Variants in LILRA6 observed in about 807,000 individuals in gnomAD.
LILRA6 encodes leukocyte immunoglobulin like receptor A6.
A neutral mutation model predicts 53.9 loss-of-function variants in LILRA6; 16 were observed. That is an observed-to-expected ratio of 0.30 (90% CI 0.20 to 0.45). LILRA6 has a LOEUF of 0.45. Ranked by LOEUF, LILRA6 falls within the 20% of genes least tolerant of loss-of-function variation. The pLI, the probability that LILRA6 is intolerant of heterozygous loss-of-function variation, is 1.00. For synonymous variants in LILRA6, 135 were observed against 256.4 expected (o/e 0.53, Z 4.52); for missense variants, 306 against 618.6 (o/e 0.49, Z 5.36).
At chr19:54,242,645 T>C in intron 1 of LILRA6, 73 bp downstream of exon 1, 1 of 1,094,788 alleles carries the variant, frequency 9.1e-7, no homozygotes, top group Non-Finnish European at 1.2e-6. Context: ...GGTCTCCTGA[T>C]GGACCAGGGC....
chr19:54,239,253 T>C, intron 7 of LILRA6, 164 bp from the exon 8 acceptor site: 1 of 1,522,918 alleles, frequency 6.6e-7, no homozygotes, highest in Middle Eastern at 2.0e-4. Flanking sequence ...GGTGAGGGTC[T>C]CAGCTCCTCC....
At chr19:54,239,744 A>G (rs1343966753) in intron 7 of LILRA6, 157 bp downstream of exon 7, 7 of 1,550,184 alleles carry the variant, frequency 4.5e-6, no homozygotes, top group Admixed American at 2.0e-5. Context: ...CTGGGCCCCA[A>G]CATCTCTCTC....
At chr19:54,240,722 C>A in intron 5 of LILRA6, 109 bp downstream of exon 5, 1 of 1,584,620 alleles carries the variant, frequency 6.3e-7, no homozygotes, top group Non-Finnish European at 8.6e-7. Context: ...CTGTCTGTCT[C>A]TCCCTCCCTT....
rs755376928 is a variant in LILRA6, at chr19:54,240,441, G to T, written c.1091C>A (p.Pro364His). Residue 364 changes from proline (P) to histidine (H), a missense_variant, in exon 6 of 8, where the codon CCC becomes CAC. Physicochemically the swap from Pro to His is moderately conservative, Grantham distance 77 (BLOSUM62 -2). This residue lies in a region of LILRA6 where 106 missense variants were observed against 196.8 expected (regional missense o/e 0.54). Coordinates refer to ENST00000396365, the Ensembl canonical transcript of LILRA6. The stretch of plus-strand genomic sequence containing the variant: ...GTACATTGATCTCAGACGCAGTGGG[G>T]GATGGGCTGCCCCTTCTTTGGTCAG... 4 of 1,603,650 alleles carry T rather than the reference G, an allele frequency of 2.5e-6. No individual in the cohort carries two copies. In the African/African-American group the frequency reaches 5.4e-5, roughly 22 times the overall value.
chr19:54,239,172 C>T lies in LILRA6; in HGVS notation c.1310-83G>A, dbSNP rs955798871. 1.4e-5 allele frequency: 22 copies of T among 1,592,304 alleles called. 1 individual carries two copies. In the African/African-American group the frequency reaches 2.6e-4, roughly 19 times the overall value. On this transcript the variant is annotated intron_variant, in intron 7 of 7. Transcript: ENST00000396365. The stretch of plus-strand genomic sequence containing the variant: ...CCCCTGGATGCCCAACCCAGGGCAC[C>T]CCCCATCCGCCATTGACAGAACCTG...
At chr19:54,239,758 CT>C (rs1478696250) in intron 7 of LILRA6, 142 bp downstream of exon 7, 3 of 1,550,286 alleles carry the variant, frequency 1.9e-6, no homozygotes, top group Non-Finnish European at 2.6e-6. Context: ...CTCTCTCTGC[CT>C]TGAACCCCCC....
rs1202563944 is a variant in LILRA6 at position 54,241,431 on chromosome 19, G to T, written c.658+145C>A. 35 of 1,109,872 alleles carry T rather than the reference G, an allele frequency of 3.2e-5. 3 individuals carry two copies. The East Asian group carries it at 8.3e-4, about 26-fold the overall frequency. 68.8% of individuals were successfully genotyped at this position (1,109,872 alleles called of 1,614,324 possible). A position where few individuals can be genotyped will look rare whatever the true frequency, so the allele number is the denominator to read the frequency against. Reference sequence around the variant, plus strand: ...TGAGGGCTCCTCCTCCCATGTCAGAGCCTCCCCATGGGGTCTCCCTCATGC... The same window carrying T: ...TGAGGGCTCCTCCTCCCATGTCAGATCCTCCCCATGGGGTCTCCCTCATGC... On this transcript the variant is annotated intron_variant, in intron 4 of 7. Transcript: ENST00000396365.
Position 54,242,092 on chromosome 19 carries a change from G to A in LILRA6, c.289C>T (p.Arg97Cys), listed in dbSNP as rs780976043. The A allele has an allele frequency of 1.3e-5, 18 of 1,398,264 alleles. 5 individuals are homozygous for A. The highest frequency in any genetic ancestry group is 5.3e-5 in the African/African-American group (3 of 56,934). 86.6% of individuals were successfully genotyped at this position (1,398,264 alleles called of 1,614,324 possible). A position where few individuals can be genotyped will look rare whatever the true frequency, so the allele number is the denominator to read the frequency against. Residue 97 changes from arginine to cysteine, a missense_variant, in exon 3 of 8, where the codon CGC becomes TGC. Transcript: ENST00000396365. ...CCTGCAGAGCTGTAATAGTGGCAGC[G>A]GTATCTCCCCGCATGGTGCTCTGTT...
At chr19:54,238,786 G>A in exon 8 of LILRA6, 1 of 1,259,436 alleles carries the variant, frequency 7.9e-7, no homozygotes, top group South Asian at 1.6e-5. Flanking sequence ...TTGGAAGTAA[G>A]GTGGAGACCC....
At position 54,239,972 on chromosome 19, in the gene LILRA6, G is replaced by A. The variant is rs777540577; in HGVS notation, c.1259-21C>T. 226 of 1,545,080 alleles carry A rather than the reference G, an allele frequency of 1.5e-4. No individual in the cohort carries two copies. In the African/African-American group the frequency reaches 1.8e-3, roughly 12 times the overall value. Reference sequence around the variant, plus strand: ...GTGTCCTGGAAGGAGCACGGGAGGCGGGTGAGGGGCGGGGGCCGTCCATGG... The same window carrying A: ...GTGTCCTGGAAGGAGCACGGGAGGCAGGTGAGGGGCGGGGGCCGTCCATGG... On this transcript the variant is annotated intron_variant, in intron 6 of 7. Transcript: ENST00000396365.
chr19:54,238,259 G>A (rs1180425480), downstream of LILRA6: 2 of 150,646 alleles, frequency 1.3e-5, no homozygotes, highest in African/African-American at 5.0e-5. Context: ...AGCTGGACTC[G>A]AATTCCTGAA....
At chr19:54,239,632 TG>T (rs1391026750) in intron 7 of LILRA6, 8 of 1,374,974 alleles carry the variant, frequency 5.8e-6, no homozygotes, top group African/African-American at 3.0e-5. Flanking sequence ...GGCCTGACCC[TG>T]GGGGGTTGAG....
chr19:54,239,188 A>G (rs1243600086), intron 7 of LILRA6, 99 bp from the exon 8 acceptor site: 10 of 1,583,080 alleles, frequency 6.3e-6, no homozygotes, highest in Non-Finnish European at 8.6e-6. Context: ...TCCGCCATTG[A>G]CAGAACCTGA....
At position 54,240,266 on chromosome 19, in the gene LILRA6, G is replaced by A. The variant is rs113149211; in HGVS notation, c.1258+8C>T. The A allele has an allele frequency of 9.3e-3, 14,780 of 1,590,230 alleles. 156 individuals are homozygous for A. In the African/African-American group the frequency reaches 0.18, roughly 19 times the overall value. ...TGAGCTCAGAGAGGACGGGGTCAGCGCCCTCACCTGAGACCATGAGTTCCA... is the reference window on the plus strand; with the variant it reads ...TGAGCTCAGAGAGGACGGGGTCAGCACCCTCACCTGAGACCATGAGTTCCA... On this transcript the variant is annotated splice_region_variant and intron_variant, in intron 6 of 7. Transcript: ENST00000396365.
At chr19:54,239,174 C>T (rs188581176) in intron 7 of LILRA6, 85 bp from the exon 8 acceptor site, 31 of 1,592,640 alleles carry the variant, frequency 1.9e-5, no homozygotes, top group South Asian at 3.4e-5. Context: ...CAGGGCACCC[C>T]CCATCCGCCA....
At chr19:54,237,412 C>G (rs914570126), downstream of LILRA6, 2 of 150,802 alleles carry the variant, frequency 1.3e-5, no homozygotes, top group Non-Finnish European at 2.9e-5. Flanking sequence ...GTCCTGGGAA[C>G]CTTTATTGGA....
chr19:54,240,225 G>A (rs2078715357), intron 6 of LILRA6, 49 bp downstream of exon 6: 1 of 1,597,980 alleles, frequency 6.3e-7, no homozygotes, highest in Non-Finnish European at 8.5e-7. Flanking sequence ...GGGGGCCTGG[G>A]CCTGAGCTGA....
chr19:54,242,771 C>T lies in LILRA6; in HGVS notation c.-20G>A, dbSNP rs776676288. On this transcript the variant is annotated 5_prime_UTR_variant, in exon 1 of 8. Coordinates refer to ENST00000396365, the Ensembl canonical transcript of LILRA6. ...GGTCATGGCGTCTCCTCCTGGTGAC[C>T]CCGGGCTCTGCAGAGGGATGAGCCC... 32 of 1,055,826 alleles carry T rather than the reference C, an allele frequency of 3.0e-5. 7 individuals are homozygous for T. In the Admixed American group the frequency reaches 7.7e-4, roughly 25 times the overall value. The allele number at this position is 1,055,826 out of a possible 1,614,324, so 65.4% of individuals were successfully genotyped here.
At chr19:54,240,887 T>G (rs1304763329) in exon 5 of LILRA6, 5 of 1,614,082 alleles carry the variant, frequency 3.1e-6, no homozygotes, top group African/African-American at 1.3e-5. Flanking sequence ...GGAGAGGTTG[T>G]GTGCACCATA....
Sources: allele counts gnomAD v4.1 joint callset, GRCh38; gene constraint gnomAD v4.1.1; regional missense constraint gnomAD v4.1.1; transcripts MANE v1.5; gene names NCBI Gene and HGNC (gene_info 2026-07-23, HGNC 2026-07-21).